DPH5: variants seen among roughly 807,000 people sequenced by gnomAD.
The protein encoded by DPH5 is diphthamide biosynthesis 5, also known as diphthine methyl ester synthase.
Under a neutral mutation model 31.6 loss-of-function variants are expected in DPH5, and 31 were observed. The ratio of observed to expected loss-of-function variants is 0.98; its 90% CI spans 0.74 to 1.32. The LOEUF (loss-of-function observed/expected upper bound fraction) is 1.32, where lower values mean the gene tolerates loss of function less well. Ranked by LOEUF, DPH5 falls within the 40% of genes most tolerant of loss-of-function variation. The pLI, the probability that DPH5 is intolerant of heterozygous loss-of-function variation, is 0.00. For synonymous variants in DPH5, 120 were observed against 115.0 expected (o/e 1.04, Z -0.28); for missense variants, 309 against 335.7 (o/e 0.92, Z 0.62).
intron 5 of DPH5, among the ~76,000 whole-genome samples, chr1:100,997,654 C>T (rs755193082): frequency 2.6e-5 from 4 of 152,090 alleles, no homozygotes; most frequent in African/African-American, 4.8e-5. Context: ...CGTGAGCCAC[C>T]GCACCCGGCC....
At chr1:100,990,901 C>T (rs540390692) in intron 7 of DPH5, among the ~76,000 whole-genome samples, 23 of 152,354 alleles carry the variant, frequency 1.5e-4, no homozygotes, top group African/African-American at 4.8e-4. Flanking sequence ...GCTATACTTA[C>T]ACTCTACAAT....
intron 6 of DPH5, among the ~76,000 whole-genome samples, chr1:100,994,808 T>C (rs143371412): frequency 2.6e-5 from 4 of 152,298 alleles, no homozygotes; most frequent in African/African-American, 9.6e-5. Context: ...ACTACAGGCA[T>C]GAACAACCGC....
chr1:101,003,178 T>C (rs1479163780), intron 4 of DPH5, among the ~76,000 whole-genome samples: 2 of 152,200 alleles, frequency 1.3e-5, no homozygotes, highest in Non-Finnish European at 2.9e-5. Context: ...GTCATGAAAC[T>C]TCCTGCCACA....
At chr1:101,010,738 G>A (rs978846895) in intron 4 of DPH5, among the ~76,000 whole-genome samples, 1 of 152,068 alleles carries the variant, frequency 6.6e-6, no homozygotes, top group South Asian at 2.1e-4. Context: ...TTGAGCAAGA[G>A]AGCATGGCAA....
chr1:101,012,625 G>GA (rs1310165396), intron 4 of DPH5, among the ~76,000 whole-genome samples: 5 of 151,938 alleles, frequency 3.3e-5, no homozygotes, highest in Non-Finnish European at 2.9e-5. Context: ...TTCAAAATGG[G>GA]AAAAAAAGAC....
chr1:101,009,814 A>C (rs983029906), intron 4 of DPH5, among the ~76,000 whole-genome samples: 23 of 151,906 alleles, frequency 1.5e-4, no homozygotes, highest in African/African-American at 5.6e-4. Context: ...CTATCCACCT[A>C]TCCAACCTCA....
intron 3 of DPH5, among the ~76,000 whole-genome samples, chr1:101,016,305 G>C (rs538344092): frequency 6.6e-6 from 1 of 152,222 alleles, no homozygotes; most frequent in African/African-American, 2.4e-5. Context: ...AGTGAGCTGA[G>C]ATTGTGCCAC....
At chr1:101,016,600 C>T (rs2101271861) in intron 3 of DPH5, among the ~76,000 whole-genome samples, 1 of 151,842 alleles carries the variant, frequency 6.6e-6, no homozygotes, top group South Asian at 2.1e-4. Flanking sequence ...CACCCGCCAC[C>T]ACGCCCAGCT....
intron 4 of DPH5, among the ~76,000 whole-genome samples, chr1:101,003,002 A>C (rs12563134): frequency 0.11 from 16,805 of 152,202 alleles, 1,095 homozygotes; most frequent in Non-Finnish European, 0.15. Context: ...AAGGTTCATC[A>C]TGTTCTTCAT....
At chr1:101,023,372 T>C (rs1286372839) in intron 2 of DPH5, 1 of 152,200 alleles carries the variant, frequency 6.6e-6, no homozygotes, top group Admixed American at 6.5e-5. Context: ...CTAATCTACA[T>C]GTAAAGCATT....
chr1:101,006,118 T>A lies in DPH5; in HGVS notation c.370-4531A>T, dbSNP rs75575996. Among the ~76,000 whole-genome samples the A allele has an allele frequency of 5.6e-3, 849 of 152,316 alleles. 3 individuals are homozygous for A. Among genetic ancestry groups the A allele is most frequent in the African/African-American group, 0.02 (819 of 41,558 alleles). On this transcript the variant is annotated intron_variant, in intron 4 of 7. Coordinates refer to ENST00000370109, the MANE Select transcript of DPH5 (RefSeq NM_015958.3). Reference sequence around the variant, plus strand: ...CCTCCCCAGCCATGCTGAACTGTGATTCAATTAAACTCCACAGTTTATTGA... The same window carrying A: ...CCTCCCCAGCCATGCTGAACTGTGAATCAATTAAACTCCACAGTTTATTGA...
intron 2 of DPH5, among the ~76,000 whole-genome samples, chr1:101,024,756 T>C (rs1660706666): frequency 6.6e-6 from 1 of 152,240 alleles, no homozygotes; most frequent in Non-Finnish European, 1.5e-5. Context: ...CTCATGTAAG[T>C]GTATACTCAT....
intron 2 of DPH5, chr1:101,023,091 G>A (rs1407155461): frequency 6.6e-6 from 1 of 152,212 alleles, no homozygotes; most frequent in African/African-American, 2.4e-5. Context: ...TACTCAGAAG[G>A]CTGTGACAGA....
At chr1:101,009,500 C>T (rs1456784680) in intron 4 of DPH5, among the ~76,000 whole-genome samples, 2 of 152,102 alleles carry the variant, frequency 1.3e-5, no homozygotes, top group Non-Finnish European at 2.9e-5. Flanking sequence ...TACATCTCCC[C>T]AAATCTCAAT....
chr1:101,025,455 G>C lies in DPH5; in HGVS notation c.-12C>G. 1.2e-6 allele frequency: 2 copies of C among 1,613,744 alleles called. No homozygotes were observed. Among genetic ancestry groups the C allele is most frequent in the Non-Finnish European group, 1.7e-6 (2 of 1,179,952 alleles). On this transcript the variant is annotated 5_prime_UTR_variant, in exon 2 of 8. Transcript: ENST00000370109. ...ATGAGATAAAGCATTTCAAACTTGAGGAGAAGAGAGACTGCAAGACGAAGT... is the reference window on the plus strand; with the variant it reads ...ATGAGATAAAGCATTTCAAACTTGACGAGAAGAGAGACTGCAAGACGAAGT...
chr1:101,006,970 T>G (rs1046942501), intron 4 of DPH5, among the ~76,000 whole-genome samples: 38 of 152,192 alleles, frequency 2.5e-4, no homozygotes, highest in Non-Finnish European at 5.0e-4. Flanking sequence ...CCTGGTTTCA[T>G]GGAACTGTCT....
chr1:100,990,451 A>T lies in DPH5; in HGVS notation c.815T>A (p.Ile272Lys), dbSNP rs1452961958. 1 of 1,614,024 alleles carries T rather than the reference A, an allele frequency of 6.2e-7. No homozygotes were observed. The highest frequency in any genetic ancestry group is 8.5e-7 in the Non-Finnish European group (1 of 1,180,004). ...TTGAGATTCTGAGCTATTTTCTGGT[A>T]TGGAAAACAGACTTAGCATCTCCAT... ...MEMEMLSLFS[I>K]PENSSESQSI... The change falls in exon 8 of 8, where the codon ATA (isoleucine) becomes AAA (lysine). Residue 272 changes from isoleucine (I) to lysine (K), a missense_variant. Ile to Lys is a moderately radical substitution (Grantham distance 102). Transcript: ENST00000370109.
chr1:101,001,722 C>T (rs998227826), intron 4 of DPH5, 135 bp from the exon 5 acceptor site: 5 of 685,944 alleles, frequency 7.3e-6, no homozygotes, highest in South Asian at 2.1e-5. Context: ...AAATCTGTCA[C>T]CAAAAAAGGT....
At chr1:101,005,925 G>T (rs1000771063) in intron 4 of DPH5, among the ~76,000 whole-genome samples, 3 of 151,254 alleles carry the variant, frequency 2.0e-5, no homozygotes, top group Non-Finnish European at 4.4e-5. Flanking sequence ...GGGGAGGTGA[G>T]GGGGGGAGCA....
Sources: allele counts gnomAD v4.1 joint callset (sites outside exome capture counted in the v4.1 genomes callset), GRCh38; gene constraint gnomAD v4.1.1; transcripts MANE v1.5; gene names NCBI Gene and HGNC (gene_info 2026-07-23, HGNC 2026-07-21).